Variants in GNB1 observed in about 807,000 individuals in gnomAD.
The protein encoded by GNB1 is G protein subunit beta 1.
In GNB1, 2 loss-of-function variants were observed where a neutral mutation model predicts 42.9. The ratio of observed to expected loss-of-function variants is 0.05; its 90% CI spans 0.02 to 0.15. The LOEUF is 0.15. Among genes scored for constraint, GNB1 ranks in the 10% least tolerant of loss-of-function variants. The probability of loss-of-function intolerance (pLI) is 1.00; values close to 1 mark genes in which losing one functional copy is unlikely to be tolerated. For missense variants in GNB1, 193 were observed against 462.2 expected, an observed-to-expected ratio of 0.42 and a Z score of 5.34; for synonymous variants, 183 against 174.7, an observed-to-expected ratio of 1.05 and a Z score of -0.38.
At chr1:1,831,164 C>CA (rs1420807450) in intron 2 of GNB1, among the ~76,000 whole-genome samples, 6 of 150,828 alleles carry the variant, frequency 4.0e-5, no homozygotes, top group Non-Finnish European at 5.9e-5. Flanking sequence ...GGCTCCATCT[C>CA]AAAAAAAAAG....
At chr1:1,889,659 TAAAAA>T (rs35173217) in intron 1 of GNB1, among the ~76,000 whole-genome samples, 2 of 115,308 alleles carry the variant, frequency 1.7e-5, no homozygotes, top group African/African-American at 6.5e-5. Context: ...TCCCATCTCT[TAAAAA>T]AAAAAAAAAA....
intron 1 of GNB1, among the ~76,000 whole-genome samples, chr1:1,853,301 C>T (rs565025578): frequency 8.5e-5 from 13 of 152,164 alleles, no homozygotes; most frequent in African/African-American, 2.4e-4. Flanking sequence ...ACTCCTCCTA[C>T]GGAAAAAATC....
intron 4 of GNB1, among the ~76,000 whole-genome samples, chr1:1,816,579 T>C (rs1010213309): frequency 6.6e-5 from 10 of 152,004 alleles, no homozygotes; most frequent in South Asian, 2.1e-4. Context: ...TCATCTTCAG[T>C]AGAAGTAGGA....
chr1:1,793,595 A>C (rs980381622), intron 7 of GNB1: 1 of 264,172 alleles, frequency 3.8e-6, no homozygotes, highest in Non-Finnish European at 7.4e-6. Context: ...CACATCTTTC[A>C]TCTGCTTTAC....
chr1:1,863,060 G>C (rs943573799), intron 1 of GNB1, among the ~76,000 whole-genome samples: 1 of 152,176 alleles, frequency 6.6e-6, no homozygotes, highest in Non-Finnish European at 1.5e-5. Context: ...CAGCACTGTG[G>C]ACACTGGGGT....
At chr1:1,850,706 C>A (rs1647934515) in intron 1 of GNB1, among the ~76,000 whole-genome samples, 2 of 152,120 alleles carry the variant, frequency 1.3e-5, no homozygotes, top group Admixed American at 1.3e-4. Context: ...CATTTAAAGT[C>A]TCTGGCAGTT....
In GNB1 at chr1:1,829,418, C is replaced by T. The variant is rs150358050; in HGVS notation, c.-46-3919G>A. On this transcript the variant is annotated intron_variant, in intron 2 of 11. Coordinates refer to ENST00000378609, the MANE Select transcript of GNB1 (RefSeq NM_002074.5). The stretch of plus-strand genomic sequence containing the variant: ...TTGGAGATAAACTCAATGATCAGTA[C>T]CATCTTTTTGTTATGTGGACATGCA... Among the ~76,000 whole-genome samples the T allele has an allele frequency of 3.9e-5, 6 of 152,280 alleles. No homozygotes were observed. In the East Asian group the frequency reaches 9.6e-4, roughly 24 times the overall value.
At chr1:1,847,148 G>A (rs972214061) in intron 1 of GNB1, among the ~76,000 whole-genome samples, 1 of 151,782 alleles carries the variant, frequency 6.6e-6, no homozygotes, top group African/African-American at 2.4e-5. Context: ...GGCAGGCAGG[G>A]AGAGGCCAAC....
intron 3 of GNB1, among the ~76,000 whole-genome samples, chr1:1,822,506 G>A (rs1042979287): frequency 2.6e-5 from 4 of 151,900 alleles, no homozygotes; most frequent in East Asian, 1.9e-4. Flanking sequence ...TAGTAGAGAC[G>A]GGGTTTCACC....
chr1:1,817,976 G>T, intron 3 of GNB1, 101 bp from the exon 4 acceptor site: 2 of 885,848 alleles, frequency 2.3e-6, no homozygotes, highest in South Asian at 1.4e-5. Flanking sequence ...TAAGCTGTCA[G>T]GAGCAAAAGC....
intron 1 of GNB1, among the ~76,000 whole-genome samples, chr1:1,888,479 G>C (rs1650280783): frequency 6.6e-6 from 1 of 152,098 alleles, no homozygotes; most frequent in African/African-American, 2.4e-5. Context: ...CCCCAGGGTT[G>C]ACAGCATCAG....
intron 2 of GNB1, among the ~76,000 whole-genome samples, chr1:1,836,415 A>C (rs574169233): frequency 1.2e-4 from 14 of 121,596 alleles, no homozygotes; most frequent in African/African-American, 4.3e-4. Flanking sequence ...TTTTTGACAC[A>C]GGGTCTCGCT....
At chr1:1,884,023 T>C (rs1204863553) in intron 1 of GNB1, among the ~76,000 whole-genome samples, 4 of 150,268 alleles carry the variant, frequency 2.7e-5, no homozygotes, top group African/African-American at 4.9e-5. Context: ...TGCAGTACAA[T>C]GGCACAATCT....
intron 1 of GNB1, among the ~76,000 whole-genome samples, chr1:1,863,992 A>G (rs1648774097): frequency 6.6e-6 from 1 of 152,142 alleles, no homozygotes; most frequent in African/African-American, 2.4e-5. Context: ...TTTGGGCAAC[A>G]TAGTTGGACC....
intron 1 of GNB1, among the ~76,000 whole-genome samples, chr1:1,859,182 C>T (rs145449368): frequency 3.3e-5 from 5 of 151,984 alleles, no homozygotes; most frequent in African/African-American, 1.2e-4. Flanking sequence ...CCACAAAGCC[C>T]GGCTAATTTT....
Position 1,790,472 on chromosome 1 carries a change from C to G in GNB1, c.622G>C (p.Ala208Pro). The change falls in exon 9 of 12, where the codon GCC becomes CCC. Residue 208 changes from alanine (A) to proline (P), a missense_variant. Transcript: ENST00000378609. The surrounding 1 kb of genome is among the most constrained non-coding windows in gnomAD (Gnocchi z 5.4). ...CCTTCTCGCACATCCCAGAGTTTGG[C>G]TGAAGCATCACAAGCACCAGAGACG... ...LFVSGACDASAKLWDVREGMC... is the reference protein window; with the variant it reads ...LFVSGACDASPKLWDVREGMC... 1 of 1,614,032 alleles carries G rather than the reference C, an allele frequency of 6.2e-7. No homozygotes were observed. Among genetic ancestry groups the G allele is most frequent in the South Asian group, 1.1e-5 (1 of 91,086 alleles).
At chr1:1,887,521 G>A (rs1467043855) in intron 1 of GNB1, among the ~76,000 whole-genome samples, 1 of 152,232 alleles carries the variant, frequency 6.6e-6, no homozygotes, top group African/African-American at 2.4e-5. Flanking sequence ...CATCTCCTTT[G>A]AGAAATAAAT....
At chr1:1,884,362 C>G (rs1650029064) in intron 1 of GNB1, among the ~76,000 whole-genome samples, 1 of 152,012 alleles carries the variant, frequency 6.6e-6, no homozygotes, top group Non-Finnish European at 1.5e-5. Flanking sequence ...CAGGCGTGAG[C>G]CACCGCGTCT....
chr1:1,813,717 C>T (rs1646813380), intron 5 of GNB1, among the ~76,000 whole-genome samples: 1 of 152,180 alleles, frequency 6.6e-6, no homozygotes, highest in South Asian at 2.1e-4. Flanking sequence ...TCTTGAACTC[C>T]TGGGCTCAAG....
Sources: gnomAD v4.1 joint callset for allele counts (sites outside exome capture counted in the v4.1 genomes callset) on GRCh38, gnomAD v4.1.1 for gene constraint, Gnocchi (gnomAD v3.1) non-coding constraint, MANE v1.5 for transcripts, NCBI Gene and HGNC (gene_info 2026-07-23, HGNC 2026-07-21) for gene names.